SNAP25: variants seen among roughly 807,000 people sequenced by gnomAD.
SNAP25 encodes the protein synaptosome associated protein 25, also known as synaptosomal-associated protein 25.
Under a neutral mutation model 28.7 loss-of-function variants are expected in SNAP25, and 3 were observed. That is an observed-to-expected ratio of 0.10 (90% CI 0.05 to 0.27). SNAP25 has a LOEUF of 0.27. SNAP25 is among the 10% of genes least tolerant of loss of function. SNAP25 has a pLI of 1.00. For synonymous variants in SNAP25, 61 were observed against 88.1 expected, an observed-to-expected ratio of 0.69 and a Z score of 1.72; for missense variants, 117 against 278.7, an observed-to-expected ratio of 0.42 and a Z score of 4.13.
At chr20:10,256,463 T>C (rs530174792) in intron 1 of SNAP25, among the ~76,000 whole-genome samples, 1 of 152,184 alleles carries the variant, frequency 6.6e-6, no homozygotes, top group Non-Finnish European at 1.5e-5. Flanking sequence ...ATATGACCAC[T>C]GAGAAAACTA....
At chr20:10,252,404 C>G (rs12626080) in intron 1 of SNAP25, among the ~76,000 whole-genome samples, 80,877 of 152,010 alleles carry the variant, frequency 0.53, 21,919 homozygotes, top group Middle Eastern at 0.62. Flanking sequence ...TTTTCTACCA[C>G]AGATATATCA....
chr20:10,257,020 G>A (rs1184601764), intron 1 of SNAP25, among the ~76,000 whole-genome samples: 1 of 151,982 alleles, frequency 6.6e-6, no homozygotes, highest in Non-Finnish European at 1.5e-5. Context: ...ATAGTGCATT[G>A]GTTCCCAATC....
At chr20:10,278,621 G>C (rs1427218025) in intron 3 of SNAP25, among the ~76,000 whole-genome samples, 1 of 152,130 alleles carries the variant, frequency 6.6e-6, no homozygotes, top group South Asian at 2.1e-4. Context: ...ATAAATTCAT[G>C]TGTGATTATC....
chr20:10,259,739 G>A (rs976134225), intron 1 of SNAP25, among the ~76,000 whole-genome samples: 7 of 151,952 alleles, frequency 4.6e-5, no homozygotes, highest in African/African-American at 1.7e-4. Context: ...GTCTGGCCAT[G>A]TTGCCCAGGC....
chr20:10,269,383 C>A (rs116505429), intron 1 of SNAP25, among the ~76,000 whole-genome samples: 2,368 of 152,232 alleles, frequency 0.016, 68 homozygotes, highest in African/African-American at 0.055. Flanking sequence ...ACCTGGGCGA[C>A]AGAGCAAGGC....
intron 3 of SNAP25, among the ~76,000 whole-genome samples, chr20:10,282,919 G>A (rs1336767257): frequency 6.6e-6 from 1 of 152,194 alleles, no homozygotes; most frequent in African/African-American, 2.4e-5. Context: ...ATTTTGAAAT[G>A]TCTTTTGTAG....
intron 3 of SNAP25, among the ~76,000 whole-genome samples, chr20:10,279,918 G>A (rs1446061996): frequency 6.6e-6 from 1 of 152,188 alleles, no homozygotes; most frequent in East Asian, 1.9e-4. Context: ...ACATCCTGAT[G>A]TCTAGGACAT....
At chr20:10,228,091 C>A (rs1356285287) in intron 1 of SNAP25, among the ~76,000 whole-genome samples, 1 of 152,066 alleles carries the variant, frequency 6.6e-6, no homozygotes. Flanking sequence ...TAGAAAAAAA[C>A]CTTCACCAGT....
chr20:10,249,871 G>T (rs2122798005), intron 1 of SNAP25, among the ~76,000 whole-genome samples: 1 of 152,160 alleles, frequency 6.6e-6, no homozygotes, highest in African/African-American at 2.4e-5. Context: ...AACCCTTTAG[G>T]TCTAGTGTTA....
intron 1 of SNAP25, among the ~76,000 whole-genome samples, chr20:10,221,912 C>T (rs946944794): frequency 3.3e-5 from 5 of 152,174 alleles, no homozygotes; most frequent in Admixed American, 1.3e-4. Context: ...AGAGAGGAGA[C>T]ATGAAGGAGA....
At chr20:10,291,050 T>C (rs1206490024) in intron 4 of SNAP25, among the ~76,000 whole-genome samples, 5 of 152,182 alleles carry the variant, frequency 3.3e-5, no homozygotes, top group African/African-American at 4.8e-5. Context: ...GCCATATATA[T>C]AGCCTTTTAA....
intron 1 of SNAP25, among the ~76,000 whole-genome samples, chr20:10,234,299 A>T (rs1229827579): frequency 1.3e-5 from 2 of 152,174 alleles, no homozygotes; most frequent in Non-Finnish European, 2.9e-5. Flanking sequence ...GGAAAAGATC[A>T]CCTACTTATT....
At chr20:10,302,828 G>T (rs2064272448) in intron 7 of SNAP25, among the ~76,000 whole-genome samples, 1 of 151,462 alleles carries the variant, frequency 6.6e-6, no homozygotes, top group Admixed American at 6.6e-5. Context: ...ATAATAAAGG[G>T]GCAGTACTTT....
At chr20:10,244,480 G>A (rs1297124070) in intron 1 of SNAP25, among the ~76,000 whole-genome samples, 1 of 152,150 alleles carries the variant, frequency 6.6e-6, no homozygotes, top group Non-Finnish European at 1.5e-5. Flanking sequence ...TTACCCATTA[G>A]GAAACTGAGG....
intron 5 of SNAP25, chr20:10,296,285 T>C (rs2123138482): frequency 6.6e-6 from 1 of 152,618 alleles, no homozygotes; most frequent in African/African-American, 2.4e-5. Flanking sequence ...GGATGTATGG[T>C]GACTGTTTGG....
intron 3 of SNAP25, chr20:10,278,051 AG>A (rs1456681521): frequency 4.8e-6 from 1 of 207,774 alleles, no homozygotes; most frequent in Non-Finnish European, 9.5e-6. Flanking sequence ...TAATATACAA[AG>A]GAATTATCTA....
intron 1 of SNAP25, among the ~76,000 whole-genome samples, chr20:10,275,071 AAATAAAT>A (rs369782009): frequency 0.13 from 18,032 of 137,810 alleles, 1,187 homozygotes; most frequent in Admixed American, 0.18. Context: ...AGAGCTATTT[AAATAAAT>A]AAATAAATAA....
chr20:10,298,634 A>T (rs537824060), intron 6 of SNAP25, among the ~76,000 whole-genome samples: 1 of 152,214 alleles, frequency 6.6e-6, no homozygotes, highest in Admixed American at 6.5e-5. Flanking sequence ...CCACTAAAAA[A>T]CCCATGTTAT....
chr20:10,263,480 G>T (rs1268682114), intron 1 of SNAP25, among the ~76,000 whole-genome samples: 1 of 152,208 alleles, frequency 6.6e-6, no homozygotes, highest in African/African-American at 2.4e-5. Flanking sequence ...AGGTGTTGGT[G>T]TGGTCATAGC....
Sources: allele counts gnomAD v4.1 joint callset (sites outside exome capture counted in the v4.1 genomes callset), GRCh38; gene constraint gnomAD v4.1.1; transcripts MANE v1.5; gene names NCBI Gene and HGNC (gene_info 2026-07-23, HGNC 2026-07-21).